The following CLINT1 variants were observed in gnomAD, a reference collection of about 807,000 sequenced individuals.
The protein encoded by CLINT1 is clathrin interacting protein localized in the trans-Golgi region.
CLINT1 carries 15 observed loss-of-function variants against 70.4 expected under a neutral mutation model. The ratio of observed to expected loss-of-function variants is 0.21; its 90% CI spans 0.14 to 0.33. The LOEUF (loss-of-function observed/expected upper bound fraction) is 0.33, where lower values mean the gene tolerates loss of function less well. Ranked by LOEUF, CLINT1 falls within the 10% of genes least tolerant of loss-of-function variation. The pLI is 1.00. For synonymous variants in CLINT1, 227 were observed against 254.7 expected (o/e 0.89, Z 1.04); for missense variants, 615 against 778.1 (o/e 0.79, Z 2.49).
intron 1 of CLINT1, among the ~76,000 whole-genome samples, chr5:157,822,505 G>A (rs1265891699): frequency 6.6e-6 from 1 of 152,056 alleles, no homozygotes; most frequent in Non-Finnish European, 1.5e-5. Context: ...CCCAGTCTTG[G>A]GTATGCCTTT....
intron 5 of CLINT1, among the ~76,000 whole-genome samples, chr5:157,812,445 A>C (rs1309466352): frequency 6.6e-6 from 1 of 152,202 alleles, no homozygotes; most frequent in East Asian, 1.9e-4. Flanking sequence ...ATTTTAGAGA[A>C]ACTATATTAT....
chr5:157,795,917 G>A (rs571138714), intron 8 of CLINT1: 3 of 152,440 alleles, frequency 2.0e-5, no homozygotes, highest in Non-Finnish European at 4.4e-5. Context: ...TGTAGCCCCA[G>A]CTACTCGGGA....
At chr5:157,854,788 T>C (rs1270473520) in intron 1 of CLINT1, among the ~76,000 whole-genome samples, 1 of 152,096 alleles carries the variant, frequency 6.6e-6, no homozygotes, top group East Asian at 1.9e-4. Context: ...TAACTTAAAA[T>C]GGACTACCCA....
chr5:157,835,502 A>G (rs1342806822), intron 1 of CLINT1, among the ~76,000 whole-genome samples: 1 of 152,100 alleles, frequency 6.6e-6, no homozygotes, highest in Non-Finnish European at 1.5e-5. Context: ...GCTACCTCAT[A>G]TAACCAGAAC....
intron 1 of CLINT1, among the ~76,000 whole-genome samples, chr5:157,818,035 T>C (rs1762773425): frequency 6.6e-6 from 1 of 152,236 alleles, no homozygotes; most frequent in East Asian, 1.9e-4. Flanking sequence ...TACAGATGTT[T>C]AGAACCACTA....
intron 1 of CLINT1, among the ~76,000 whole-genome samples, chr5:157,825,573 G>T (rs914115602): frequency 6.6e-6 from 1 of 152,058 alleles, no homozygotes. Context: ...TTTAAAACAT[G>T]GCAAACTGCC....
At chr5:157,803,621 C>A in intron 8 of CLINT1, 29 bp downstream of exon 8, 1 of 1,399,660 alleles carries the variant, frequency 7.1e-7, no homozygotes, top group Non-Finnish European at 9.4e-7. Context: ...ACTCTCAAAC[C>A]AAAAGAAAAG....
chr5:157,853,138 AG>A (rs1753629295), intron 1 of CLINT1, among the ~76,000 whole-genome samples: 1 of 152,142 alleles, frequency 6.6e-6, no homozygotes, highest in Non-Finnish European at 1.5e-5. Flanking sequence ...ACATGAAGTC[AG>A]GAGTTCGAGA....
intron 1 of CLINT1, among the ~76,000 whole-genome samples, chr5:157,856,738 C>T (rs1353981619): frequency 6.6e-6 from 1 of 152,158 alleles, no homozygotes; most frequent in African/African-American, 2.4e-5. Context: ...GTGTCAGACA[C>T]CCACAAAAGC....
intron 1 of CLINT1, among the ~76,000 whole-genome samples, chr5:157,840,423 T>C (rs536265467): frequency 6.6e-6 from 1 of 152,150 alleles, no homozygotes; most frequent in Non-Finnish European, 1.5e-5. Flanking sequence ...GTAAAACTTG[T>C]TTCAATGTCA....
chr5:157,836,941 T>C (rs1266371698), intron 1 of CLINT1, among the ~76,000 whole-genome samples: 1 of 152,216 alleles, frequency 6.6e-6, no homozygotes, highest in Non-Finnish European at 1.5e-5. Context: ...TTTACAGGTA[T>C]ATTTTCAAGT....
intron 9 of CLINT1, among the ~76,000 whole-genome samples, chr5:157,792,884 C>T (rs529209808): frequency 3.2e-4 from 49 of 152,236 alleles, no homozygotes; most frequent in Non-Finnish European, 5.6e-4. Context: ...ACATAAAAAC[C>T]GTCATCTGAA....
chr5:157,858,778 G>T (rs1331455867), intron 1 of CLINT1, among the ~76,000 whole-genome samples, 152 bp downstream of exon 1: 1 of 152,208 alleles, frequency 6.6e-6, no homozygotes, highest in Non-Finnish European at 1.5e-5. Flanking sequence ...CGGGGATGAG[G>T]CCCGGGGCCG....
chr5:157,848,269 G>A (rs1449345748), intron 1 of CLINT1, among the ~76,000 whole-genome samples: 2 of 149,914 alleles, frequency 1.3e-5, no homozygotes, highest in Non-Finnish European at 3.0e-5. Context: ...GCTAATTTTT[G>A]TATCTTTAGT....
At chr5:157,814,153 T>C in intron 4 of CLINT1, 32 bp downstream of exon 4, 3 of 1,420,688 alleles carry the variant, frequency 2.1e-6, no homozygotes, top group Non-Finnish European at 2.9e-6. Context: ...ACTACTGTTT[T>C]AATTTGCTTA....
At chr5:157,837,439 CAT>C (rs1554102009) in intron 1 of CLINT1, among the ~76,000 whole-genome samples, 118 of 151,878 alleles carry the variant, frequency 7.8e-4, no homozygotes, top group African/African-American at 2.6e-3. Context: ...CACACACACA[CAT>C]ACTGTAACTC....
intron 1 of CLINT1, among the ~76,000 whole-genome samples, chr5:157,836,928 T>C (rs1274276727): frequency 1.3e-5 from 2 of 152,200 alleles, no homozygotes; most frequent in African/African-American, 2.4e-5. Context: ...CTACCAAAAC[T>C]TGTTTACAGG....
intron 1 of CLINT1, among the ~76,000 whole-genome samples, chr5:157,829,752 G>A (rs951452146): frequency 2.8e-5 from 4 of 143,062 alleles, no homozygotes; most frequent in Non-Finnish European, 4.5e-5. Context: ...ATGTTGCCTA[G>A]GCTGGTCTCA....
At chr5:157,801,033 C>G (rs1762197381) in intron 8 of CLINT1, among the ~76,000 whole-genome samples, 2 of 152,164 alleles carry the variant, frequency 1.3e-5, no homozygotes, top group African/African-American at 4.8e-5. Flanking sequence ...TGACTACATG[C>G]TAACTACCAG....
Sources: gnomAD v4.1 joint callset for allele counts (sites outside exome capture counted in the v4.1 genomes callset) on GRCh38, gnomAD v4.1.1 for gene constraint, MANE v1.5 for transcripts, NCBI Gene and HGNC (gene_info 2026-07-23, HGNC 2026-07-21) for gene names.